The following ATRNL1 variants were observed in gnomAD, a reference collection of about 807,000 sequenced individuals.
ATRNL1 encodes attractin-like protein 1.
ATRNL1 carries 95 observed loss-of-function variants against 182.7 expected under a neutral mutation model. The observed-to-expected ratio is 0.52, with a 90% CI of 0.44 to 0.62. The LOEUF is 0.62. Ranked by LOEUF, ATRNL1 falls within the 20% of genes least tolerant of loss-of-function variation. The probability of loss-of-function intolerance (pLI) is 0.00; values close to 1 mark genes in which losing one functional copy is unlikely to be tolerated. For synonymous variants in ATRNL1, 576 were observed against 568.3 expected (o/e 1.01, Z -0.19); for missense variants, 1,471 against 1,679.5 (o/e 0.88, Z 2.17).
intron 1 of ATRNL1, among the ~76,000 whole-genome samples, chr10:115,116,877 T>A (rs1399075898): frequency 1.3e-5 from 2 of 151,978 alleles, no homozygotes; most frequent in Non-Finnish European, 2.9e-5. Context: ...TAGTTTCCTT[T>A]TAAGTTTGGG....
At chr10:115,665,572 G>T (rs1404857478) in intron 26 of ATRNL1, among the ~76,000 whole-genome samples, 1 of 152,112 alleles carries the variant, frequency 6.6e-6, no homozygotes, top group Admixed American at 6.6e-5. Flanking sequence ...GAGAATCAGT[G>T]AATACTTCTA....
intron 28 of ATRNL1, among the ~76,000 whole-genome samples, chr10:115,882,964 GCC>G (rs2134444769): frequency 6.6e-6 from 1 of 152,242 alleles, no homozygotes; most frequent in Admixed American, 6.5e-5. Context: ...AGCCATCCTT[GCC>G]CATGTTCTCT....
intron 19 of ATRNL1, among the ~76,000 whole-genome samples, chr10:115,384,853 C>CTT (rs566812367): frequency 2.1e-5 from 3 of 143,918 alleles, no homozygotes; most frequent in African/African-American, 5.1e-5. Flanking sequence ...TTTAATTTCT[C>CTT]TTTTTTTTTT....
At chr10:115,138,203 G>C (rs1483499735) in intron 5 of ATRNL1, among the ~76,000 whole-genome samples, 1 of 152,198 alleles carries the variant, frequency 6.6e-6, no homozygotes, top group Admixed American at 6.5e-5. Context: ...CCTCCCACTT[G>C]CTTTCAGGGG....
At chr10:115,629,896 A>G (rs552108489) in intron 26 of ATRNL1, among the ~76,000 whole-genome samples, 1 of 152,284 alleles carries the variant, frequency 6.6e-6, no homozygotes, top group South Asian at 2.1e-4. Flanking sequence ...TTGAATGTTG[A>G]CTTTTGAATT....
intron 13 of ATRNL1, among the ~76,000 whole-genome samples, chr10:115,275,083 C>T (rs1852044130): frequency 1.3e-5 from 2 of 152,196 alleles, no homozygotes; most frequent in African/African-American, 4.8e-5. Flanking sequence ...TACCATTTTT[C>T]TACATAGAGG....
intron 24 of ATRNL1, among the ~76,000 whole-genome samples, chr10:115,518,183 C>A (rs531170918): frequency 2.6e-5 from 4 of 151,910 alleles, no homozygotes; most frequent in Non-Finnish European, 5.9e-5. Context: ...GGATTAATTT[C>A]CTTTGTTTTT....
intron 8 of ATRNL1, among the ~76,000 whole-genome samples, chr10:115,179,858 T>C (rs1847679354): frequency 6.6e-6 from 1 of 152,152 alleles, no homozygotes; most frequent in African/African-American, 2.4e-5. Context: ...TGTTGCATTT[T>C]CTCTTAATGT....
intron 28 of ATRNL1, among the ~76,000 whole-genome samples, chr10:115,912,367 CAAT>C (rs782119958): frequency 1.3e-5 from 2 of 151,584 alleles, no homozygotes; most frequent in Admixed American, 6.6e-5. Context: ...GATATTAAAA[CAAT>C]AATCTTCACC....
At chr10:115,397,298 A>G (rs1844336521) in intron 20 of ATRNL1, among the ~76,000 whole-genome samples, 1 of 151,962 alleles carries the variant, frequency 6.6e-6, no homozygotes, top group Admixed American at 6.6e-5. Context: ...AATTTCTTAC[A>G]TTAGTGATTT....
chr10:115,442,303 C>CTGTG lies in ATRNL1; in HGVS notation c.3322+16005_3322+16008dup, dbSNP rs67934464. 9.1e-3 allele frequency among the ~76,000 whole-genome samples: 1,120 copies of CTGTG among 122,952 alleles called. 13 individuals are homozygous for CTGTG. Among genetic ancestry groups the CTGTG allele is most frequent in the Middle Eastern group, 0.014 (3 of 212 alleles). 80.7% of individuals were successfully genotyped at this position (122,952 alleles called of 152,430 possible). ...TCTCTCTCTCTCTCTCTCTCTCTCT[C>CTGTG]TGTGTGTATGTGTGTGTGTAAACAA... is the stretch of plus-strand genomic sequence containing the variant. On this transcript the variant is annotated intron_variant, in intron 21 of 28. Coordinates refer to ENST00000355044, the MANE Select transcript of ATRNL1 (RefSeq NM_207303.4).
intron 19 of ATRNL1, among the ~76,000 whole-genome samples, chr10:115,362,609 T>C (rs1222265842): frequency 2.6e-5 from 4 of 151,848 alleles, no homozygotes; most frequent in Non-Finnish European, 5.9e-5. Flanking sequence ...CATGCTGGTG[T>C]GCTGCACCCA....
chr10:115,514,655 C>G (rs1850551548), intron 24 of ATRNL1, among the ~76,000 whole-genome samples: 1 of 151,772 alleles, frequency 6.6e-6, no homozygotes. Context: ...TATTGTTAGT[C>G]TGTTGGTTAC....
At chr10:115,260,459 C>G (rs1851347638) in intron 10 of ATRNL1, among the ~76,000 whole-genome samples, 1 of 152,168 alleles carries the variant, frequency 6.6e-6, no homozygotes, top group South Asian at 2.1e-4. Context: ...ATGGTTCCAC[C>G]TGATCAGAAT....
chr10:115,128,527 A>G (rs958224486), intron 4 of ATRNL1: 1 of 471,744 alleles, frequency 2.1e-6, no homozygotes, highest in Admixed American at 6.4e-5. Flanking sequence ...GCAAGGGAGA[A>G]CAAATATATA....
intron 22 of ATRNL1, among the ~76,000 whole-genome samples, chr10:115,463,388 A>G (rs554237572): frequency 4.6e-5 from 7 of 152,238 alleles, no homozygotes; most frequent in African/African-American, 1.7e-4. Flanking sequence ...TTCAAATACA[A>G]GCCGTCCTTC....
intron 1 of ATRNL1, among the ~76,000 whole-genome samples, chr10:115,094,440 A>T (rs2084961336): frequency 6.6e-6 from 1 of 152,232 alleles, no homozygotes; most frequent in Non-Finnish European, 1.5e-5. Context: ...GCATTGTGAA[A>T]AATTCACAAA....
intron 18 of ATRNL1, among the ~76,000 whole-genome samples, chr10:115,324,884 T>C (rs1303783775): frequency 6.6e-6 from 1 of 152,180 alleles, no homozygotes; most frequent in Non-Finnish European, 1.5e-5. Context: ...GGTCGCTAGC[T>C]CAAATTTAGC....
intron 20 of ATRNL1, among the ~76,000 whole-genome samples, chr10:115,420,950 GA>G (rs782332378): frequency 1.3e-5 from 2 of 152,044 alleles, no homozygotes; most frequent in Non-Finnish European, 2.9e-5. Context: ...AAACTTTGAA[GA>G]AATGAATAAA....
Sources: allele counts gnomAD v4.1 joint callset (sites outside exome capture counted in the v4.1 genomes callset), GRCh38; gene constraint gnomAD v4.1.1; transcripts MANE v1.5; gene names NCBI Gene and HGNC (gene_info 2026-07-23, HGNC 2026-07-21).